Variants in EPB41L4A observed in about 807,000 individuals in gnomAD.
The protein encoded by EPB41L4A is erythrocyte membrane protein band 4.1 like 4A.
In EPB41L4A, 100 loss-of-function variants were observed where a neutral mutation model predicts 108.6. The observed-to-expected ratio is 0.92, with a 90% confidence interval of 0.78 to 1.09. The LOEUF is 1.09. EPB41L4A is among the 50% of genes least tolerant of loss of function. The pLI is 0.00. For missense variants in EPB41L4A, 1,030 were observed against 842.7 expected (o/e 1.22, Z -2.75); for synonymous variants, 319 against 289.0 (o/e 1.10, Z -1.05).
At chr5:112,155,587 C>T (rs2112818378) in intron 12 of EPB41L4A, among the ~76,000 whole-genome samples, 1 of 152,142 alleles carries the variant, frequency 6.6e-6, no homozygotes, top group East Asian at 1.9e-4. Flanking sequence ...ATTTCTTCCC[C>T]ACCACCACAT....
chr5:112,275,161 T>A, intron 4 of EPB41L4A, 165 bp downstream of exon 4: 1 of 819,202 alleles, frequency 1.2e-6, no homozygotes, highest in African/African-American at 1.8e-5. Context: ...CAGACACTGA[T>A]CAACTTCATG....
intron 9 of EPB41L4A, among the ~76,000 whole-genome samples, chr5:112,247,705 G>A (rs910442570): frequency 1.3e-5 from 2 of 152,112 alleles, no homozygotes; most frequent in African/African-American, 4.8e-5. Flanking sequence ...GGAATTGGGG[G>A]TTTGAGTCAG....
At chr5:112,416,208 T>G (rs1762712735) in intron 1 of EPB41L4A, among the ~76,000 whole-genome samples, 2 of 152,128 alleles carry the variant, frequency 1.3e-5, no homozygotes, top group African/African-American at 4.8e-5. Flanking sequence ...AATTTGGTGC[T>G]TAAATAAATC....
At chr5:112,270,489 CAT>C (rs1358393035) in intron 4 of EPB41L4A, among the ~76,000 whole-genome samples, 2 of 152,182 alleles carry the variant, frequency 1.3e-5, no homozygotes, top group African/African-American at 2.4e-5. Context: ...AAAAATGGCA[CAT>C]ATGACTCAGC....
At chr5:112,160,018 C>T (rs537188125), downstream of EPB41L4A, among the ~76,000 whole-genome samples, 1 of 143,208 alleles carries the variant, frequency 7.0e-6, no homozygotes, top group East Asian at 2.2e-4. Context: ...CAAGCCATTT[C>T]TCCTGCCTCA....
chr5:112,251,636 G>A (rs1422918981), intron 9 of EPB41L4A, among the ~76,000 whole-genome samples: 5 of 152,140 alleles, frequency 3.3e-5, no homozygotes, highest in Non-Finnish European at 7.3e-5. Context: ...CAATGAAGTT[G>A]GTTACCTACA....
chr5:112,281,032 A>G (rs963265606), intron 2 of EPB41L4A, among the ~76,000 whole-genome samples: 1 of 152,212 alleles, frequency 6.6e-6, no homozygotes, highest in Non-Finnish European at 1.5e-5. Flanking sequence ...AGACCCATAG[A>G]GAGTCTGTTC....
intron 1 of EPB41L4A, among the ~76,000 whole-genome samples, chr5:112,319,438 G>T (rs1345340187): frequency 6.6e-6 from 1 of 152,184 alleles, no homozygotes; most frequent in Non-Finnish European, 1.5e-5. Flanking sequence ...CCATCATTAA[G>T]TACAACTGAT....
At position 112,419,082 on chromosome 5, in the gene EPB41L4A, G is replaced by C. The variant is rs201471943; in HGVS notation, c.-43C>G. On this transcript the variant is annotated 5_prime_UTR_variant, in exon 1 of 23. Coordinates refer to ENST00000261486, the MANE Select transcript of EPB41L4A (RefSeq NM_022140.5). Reference sequence around the variant, plus strand: ...CCAGCCAGGAGAGAAAGCTACCACCGAGGCGCCCAGCCGCCCCCTCCACTC... The same window carrying C: ...CCAGCCAGGAGAGAAAGCTACCACCCAGGCGCCCAGCCGCCCCCTCCACTC... 66 of 1,474,344 alleles carry C rather than the reference G, an allele frequency of 4.5e-5. No individual in the cohort carries two copies. The highest frequency in any genetic ancestry group is 5.7e-5 in the Non-Finnish European group (60 of 1,055,590). 91.3% of individuals were successfully genotyped at this position (1,474,344 alleles called of 1,614,324 possible).
chr5:112,410,500 T>G (rs1190668415), intron 1 of EPB41L4A, among the ~76,000 whole-genome samples: 3 of 152,116 alleles, frequency 2.0e-5, no homozygotes, highest in African/African-American at 7.2e-5. Context: ...AGAAACAATT[T>G]GGAAGATGTT....
At chr5:112,154,386 G>A (rs1387375374) in intron 12 of EPB41L4A, among the ~76,000 whole-genome samples, 1 of 152,188 alleles carries the variant, frequency 6.6e-6, no homozygotes, top group Non-Finnish European at 1.5e-5. Context: ...ACATATGCAT[G>A]TGCACTGTAA....
Position 112,184,191 on chromosome 5 carries a change from G to A in EPB41L4A, c.1503-56C>T, listed in dbSNP as rs1027820073. On this transcript the variant is annotated intron_variant, in intron 17 of 22. Transcript: ENST00000261486. ...CATCTACATGGATGGCGCGTTTTAGGTTCATCCTAAACTTGCTTTTAAATG... is the reference window on the plus strand; with the variant it reads ...CATCTACATGGATGGCGCGTTTTAGATTCATCCTAAACTTGCTTTTAAATG... 8.8e-6 allele frequency: 14 copies of A among 1,594,282 alleles called. No homozygotes were observed. In the African/African-American group the frequency reaches 1.4e-4, roughly 15 times the overall value.
chr5:112,167,751 T>C (rs1760339050), intron 22 of EPB41L4A, among the ~76,000 whole-genome samples: 1 of 152,186 alleles, frequency 6.6e-6, no homozygotes, highest in Non-Finnish European at 1.5e-5. Context: ...GTGGGCACTT[T>C]CCAACAAGCT....
rs141066404 is a variant in EPB41L4A at position 112,413,954 on chromosome 5, TA to T, written c.99+4986del. On this transcript the variant is annotated intron_variant, in intron 1 of 22. Transcript: ENST00000261486. ...AAGGAGAAGAGGAGGAAAGGTGGAA[TA>T]AAGTTAAAATTTGCTGGGTGCTTAT... 5.1e-3 allele frequency among the ~76,000 whole-genome samples: 774 copies of T among 152,288 alleles called. 3 individuals carry two copies. The highest frequency in any genetic ancestry group is 0.018 in the African/African-American group (737 of 41,560).
At chr5:112,353,967 T>A (rs531929585) in intron 1 of EPB41L4A, among the ~76,000 whole-genome samples, 2 of 152,314 alleles carry the variant, frequency 1.3e-5, no homozygotes, top group Admixed American at 1.3e-4. Context: ...GCTGTGGGCA[T>A]CAGCATTTTT....
intron 9 of EPB41L4A, among the ~76,000 whole-genome samples, chr5:112,246,390 C>G (rs776531441): frequency 7.9e-5 from 12 of 152,156 alleles, no homozygotes; most frequent in Non-Finnish European, 1.6e-4. Context: ...ACATGCTGTA[C>G]AGGTTGGCAG....
At chr5:112,322,250 T>C (rs1580683102) in intron 1 of EPB41L4A, among the ~76,000 whole-genome samples, 1 of 152,328 alleles carries the variant, frequency 6.6e-6, no homozygotes, top group East Asian at 1.9e-4. Context: ...TTCCTCATTT[T>C]AGAGACAAGA....
intron 1 of EPB41L4A, 58 bp downstream of exon 1, chr5:112,418,883 T>A (rs924960953): frequency 7.2e-7 from 1 of 1,395,946 alleles, no homozygotes; most frequent in East Asian, 2.3e-5. Context: ...CTCAAAGCGA[T>A]GGACCCCCGC....
intron 2 of EPB41L4A, among the ~76,000 whole-genome samples, chr5:112,289,541 C>A (rs972579033): frequency 6.6e-6 from 1 of 152,090 alleles, no homozygotes; most frequent in African/African-American, 2.4e-5. Context: ...AACTGCCTGT[C>A]TTCTGAGACT....
Sources: allele counts gnomAD v4.1 joint callset (sites outside exome capture counted in the v4.1 genomes callset), GRCh38; gene constraint gnomAD v4.1.1; transcripts MANE v1.5; gene names NCBI Gene and HGNC (gene_info 2026-07-23, HGNC 2026-07-21).